TMX3: variants seen among roughly 807,000 people sequenced by gnomAD.
The protein encoded by TMX3 is protein disulfide-isomerase TMX3.
In TMX3, 40 loss-of-function variants were observed where a neutral mutation model predicts 64.4. The ratio of observed to expected loss-of-function variants is 0.62; its 90% CI spans 0.48 to 0.81. The LOEUF (loss-of-function observed/expected upper bound fraction) is 0.81, where lower values mean the gene tolerates loss of function less well. TMX3 is among the 30% of genes least tolerant of loss of function. The pLI, the probability that TMX3 is intolerant of heterozygous loss-of-function variation, is 0.00. For missense variants in TMX3, 497 were observed against 534.5 expected, an observed-to-expected ratio of 0.93 and a Z score of 0.69; for synonymous variants, 189 against 175.7, an observed-to-expected ratio of 1.08 and a Z score of -0.60.
At chr18:68,702,912 A>G (rs886398197) in intron 4 of TMX3, among the ~76,000 whole-genome samples, 1 of 152,210 alleles carries the variant, frequency 6.6e-6, no homozygotes, top group Admixed American at 6.5e-5. Flanking sequence ...AGGTAAATAG[A>G]GGGACCTGGA....
intron 9 of TMX3, 69 bp from the exon 10 acceptor site, chr18:68,687,834 C>A: frequency 8.1e-7 from 1 of 1,230,920 alleles, no homozygotes; most frequent in Admixed American, 2.3e-5. Context: ...TAGCTTTAAT[C>A]TGATAATAGG....
chr18:68,680,343 T>G (rs1021565076), intron 14 of TMX3, among the ~76,000 whole-genome samples: 1 of 152,156 alleles, frequency 6.6e-6, no homozygotes, highest in African/African-American at 2.4e-5. Flanking sequence ...ACAACCTGAT[T>G]GTGACTTGCG....
rs892009040 is a variant in TMX3, at chr18:68,674,118, C to T, written c.*2815G>A. On this transcript the variant is annotated 3_prime_UTR_variant, in exon 16 of 16. Transcript: ENST00000299608. The stretch of plus-strand genomic sequence containing the variant: ...AACAAAAACAGTACTGCTAATTCAC[C>T]TGCTCATATAGACCCTTCCTTCAAT... 2.6e-5 allele frequency: 4 copies of T among 152,096 alleles called. No homozygotes were observed. The highest frequency in any genetic ancestry group is 9.7e-5 in the African/African-American group (4 of 41,414). 9.4% of individuals were successfully genotyped at this position (152,096 alleles called of 1,614,324 possible).
chr18:68,682,433 AAC>A (rs913704331), intron 13 of TMX3, among the ~76,000 whole-genome samples: 1 of 152,214 alleles, frequency 6.6e-6, no homozygotes, highest in African/African-American at 2.4e-5. Context: ...TAAATTCTAG[AAC>A]AATTCGTTTT....
Position 68,715,059 on chromosome 18 carries a change from G to A in TMX3, c.-78C>T, listed in dbSNP as rs1359680040. ...CTGGGGTCCGCCGCCTGCCCGCCCG[G>A]AAAGGGAAACGGAGCCGACCCGGAG... On this transcript the variant is annotated 5_prime_UTR_variant, in exon 1 of 16. Transcript: ENST00000299608. The A allele has an allele frequency of 6.5e-7, 1 of 1,546,920 alleles. No homozygotes were observed. The highest frequency in any genetic ancestry group is 8.7e-7 in the Non-Finnish European group (1 of 1,144,970).
At chr18:68,699,959 G>C (rs1915505325) in intron 6 of TMX3, among the ~76,000 whole-genome samples, 1 of 152,108 alleles carries the variant, frequency 6.6e-6, no homozygotes, top group South Asian at 2.1e-4. Context: ...TATTTTAGCT[G>C]TATCTAAAAT....
At chr18:68,686,293 TGTTCA>T (rs947253662) in intron 10 of TMX3, among the ~76,000 whole-genome samples, 1 of 152,176 alleles carries the variant, frequency 6.6e-6, no homozygotes, top group African/African-American at 2.4e-5. Flanking sequence ...GGAAAAGATG[TGTTCA>T]GTTGAGCCAA....
intron 15 of TMX3, among the ~76,000 whole-genome samples, chr18:68,678,017 A>T (rs1171466184): frequency 6.6e-6 from 1 of 152,136 alleles, no homozygotes; most frequent in Admixed American, 6.6e-5. Flanking sequence ...GGAAAAGGGA[A>T]GGAAAGTGAT....
At chr18:68,684,151 A>C (rs1194961572) in intron 12 of TMX3, 39 bp downstream of exon 12, 1 of 1,489,732 alleles carries the variant, frequency 6.7e-7, no homozygotes, top group South Asian at 1.2e-5. Flanking sequence ...AATGGTATTA[A>C]ACAAAAATAA....
chr18:68,700,481 T>C lies in TMX3; in HGVS notation c.316A>G (p.Lys106Glu). 6.5e-7 allele frequency: 1 copy of C among 1,538,198 alleles called. No homozygotes were observed. Among genetic ancestry groups the C allele is most frequent in the Non-Finnish European group, 8.7e-7 (1 of 1,146,228 alleles). ...VRGYPTIKLL[K>E]GDLAYNYRGP... ...CTATAATTATATGCCAAGTCCCCTT[T>C]TAATCTTTAAAAAAAAAAAAAAATT... The change falls in exon 6 of 16, where the codon AAA becomes GAA. Residue 106 changes from lysine to glutamate, a missense_variant. Lys to Glu is a moderately conservative substitution (Grantham distance 56). Around this residue, in one of 3 missense-constraint regions of TMX3, gnomAD observed 360 missense variants for 383.5 expected, o/e 0.94. Transcript: ENST00000299608.
At chr18:68,713,932 ATGC>A in intron 1 of TMX3, 32 bp from the exon 2 acceptor site, 1 of 1,472,074 alleles carries the variant, frequency 6.8e-7, no homozygotes, top group Non-Finnish European at 9.3e-7. Flanking sequence ...TACACAATAA[ATGC>A]TGATTATTTG....
intron 5 of TMX3, chr18:68,700,925 G>A: frequency 1.0e-6 from 1 of 984,926 alleles, no homozygotes; most frequent in Non-Finnish European, 1.2e-6. Context: ...CAACATTACA[G>A]AGTAAAACGA....
At position 68,715,101 on chromosome 18, in the gene TMX3, C is replaced by A. The variant is rs902948364; in HGVS notation, c.-120G>T. The A allele has an allele frequency of 1.3e-6, 2 of 1,515,124 alleles. No individual in the cohort carries two copies. Among genetic ancestry groups the A allele is most frequent in the African/African-American group, 2.8e-5 (2 of 70,968 alleles). The allele number at this position is 1,515,124 out of a possible 1,614,324, so 93.9% of individuals were successfully genotyped here. A position where few individuals can be genotyped will look rare whatever the true frequency, so the allele number is the denominator to read the frequency against. ...GACCCGGAGCGGAAGAGAAGCACCG[C>A]GCTAACTACGGGGGCGGGGCTACCC... is the stretch of plus-strand genomic sequence containing the variant. On this transcript the variant is annotated 5_prime_UTR_variant, in exon 1 of 16. Coordinates refer to ENST00000299608, the MANE Select transcript of TMX3 (RefSeq NM_019022.5).
chr18:68,682,596 T>C (rs1913541854), intron 13 of TMX3, among the ~76,000 whole-genome samples: 1 of 152,148 alleles, frequency 6.6e-6, no homozygotes, highest in Non-Finnish European at 1.5e-5. Flanking sequence ...AATAGTTATA[T>C]TGCCCATTAA....
intron 7 of TMX3, 128 bp from the exon 8 acceptor site, chr18:68,697,431 T>A (rs1340004316): frequency 2.2e-6 from 1 of 458,072 alleles, no homozygotes; most frequent in African/African-American, 2.0e-5. Context: ...TTACATCCTC[T>A]TAGGTGAAGA....
chr18:68,689,899 A>G (rs911031265), intron 9 of TMX3: 9 of 152,174 alleles, frequency 5.9e-5, no homozygotes, highest in African/African-American at 2.2e-4. Flanking sequence ...TACCTACCTC[A>G]CAGATTACTT....
At chr18:68,684,144 G>C in intron 12 of TMX3, 46 bp downstream of exon 12, 1 of 1,387,970 alleles carries the variant, frequency 7.2e-7, no homozygotes, top group Non-Finnish European at 1.0e-6. Flanking sequence ...ATTACAAAAT[G>C]GTATTAAACA....
chr18:68,708,665 T>G (rs1393724023), intron 4 of TMX3, among the ~76,000 whole-genome samples: 1 of 152,162 alleles, frequency 6.6e-6, no homozygotes, highest in Non-Finnish European at 1.5e-5. Context: ...TCCTAAAAGC[T>G]GCTGACAAAA....
At chr18:68,702,952 T>C (rs545299816) in intron 4 of TMX3, among the ~76,000 whole-genome samples, 13 of 152,264 alleles carry the variant, frequency 8.5e-5, no homozygotes, top group Non-Finnish European at 1.6e-4. Flanking sequence ...TCCTAAGAGG[T>C]AGCATAAACA....
Sources: gnomAD v4.1 joint callset for allele counts (sites outside exome capture counted in the v4.1 genomes callset) on GRCh38, gnomAD v4.1.1 for gene constraint, gnomAD v4.1.1 regional missense constraint, MANE v1.5 for transcripts, NCBI Gene and HGNC (gene_info 2026-07-23, HGNC 2026-07-21) for gene names.